Variants in PDZD4 observed in about 807,000 individuals in gnomAD.
PDZD4 encodes the protein PDZ domain containing 4.
A neutral mutation model predicts 38.5 loss-of-function variants in PDZD4; 9 were observed. The observed-to-expected ratio is 0.23, with a 90% CI of 0.14 to 0.41. The LOEUF is 0.41. Ranked by LOEUF, PDZD4 falls within the 10% of genes least tolerant of loss-of-function variation. PDZD4 has a pLI of 1.00. For missense variants in PDZD4, 612 were observed against 722.0 expected (o/e 0.85, Z 1.75); for synonymous variants, 349 against 315.7 (o/e 1.11, Z -1.12).
rs1395560249 is a variant in PDZD4 at position 153,805,682 on chromosome X, C to G, written c.568-76G>C. On this transcript the variant is annotated intron_variant, in intron 5 of 7. Transcript: ENST00000393758. ...CGGACCCTGGGCGGGTGCAGGGAGCCCAAGCACTCTGGGCTCGGCTGGGCT... is the reference window on the plus strand; with the variant it reads ...CGGACCCTGGGCGGGTGCAGGGAGCGCAAGCACTCTGGGCTCGGCTGGGCT... 7 of 840,243 alleles carry G rather than the reference C, an allele frequency of 8.3e-6. No homozygotes were observed. The Admixed American group carries it at 1.6e-4, about 19-fold the overall frequency. The allele number at this position is 840,243 out of a possible 1,213,427, so 69.2% of individuals were successfully genotyped here. A position where few individuals can be genotyped will look rare whatever the true frequency, so the allele number is the denominator to read the frequency against.
rs1398143410 is a variant in PDZD4 at position 153,804,020 on chromosome X, C to T, written c.1661G>A (p.Arg554His). The T allele has an allele frequency of 7.8e-6, 9 of 1,156,300 alleles. No individual in the cohort carries two copies. The African/African-American group carries it at 1.6e-4, about 21-fold the overall frequency. Residue 554 changes from arginine to histidine, a missense_variant, in exon 8 of 8, where the codon CGC becomes CAC. Around this residue, in one of 3 missense-constraint regions of PDZD4, gnomAD observed 300 missense variants for 284.6 expected, o/e 1.05. Transcript: ENST00000393758. ...RRQHAEERGR[R>H]NPKTGLTLER... ...CAGGGTCAACCCCGTCTTGGGGTTG[C>T]GGCGGCCGCGCTCCTCCGCGTGCTG...
At chrX:153,815,644 C>T (rs1018260625) in intron 1 of PDZD4, among the ~76,000 whole-genome samples, 2 of 111,607 alleles carry the variant, frequency 1.8e-5, no homozygotes, top group Non-Finnish European at 3.8e-5. Flanking sequence ...GGCTCCAGGT[C>T]GGGGAGGGGA....
At chrX:153,822,826 T>C (rs1308443749) in intron 1 of PDZD4, among the ~76,000 whole-genome samples, 2 of 111,070 alleles carry the variant, frequency 1.8e-5, no homozygotes, top group Non-Finnish European at 3.8e-5. Context: ...TAGAGGCGCA[T>C]GCCACTACGC....
chrX:153,811,522 C>T (rs2064310116), intron 1 of PDZD4, among the ~76,000 whole-genome samples: 1 of 112,240 alleles, frequency 8.9e-6, no homozygotes, highest in South Asian at 3.7e-4. Context: ...ACCAACACAC[C>T]AGTGGACCAT....
At chrX:153,817,646 C>G (rs1557080290) in intron 1 of PDZD4, among the ~76,000 whole-genome samples, 2 of 111,989 alleles carry the variant, frequency 1.8e-5, no homozygotes, top group Non-Finnish European at 3.8e-5. Flanking sequence ...TGAGAATAGA[C>G]TAAAAGTCAC....
Position 153,813,903 on chromosome X carries a change from C to T in PDZD4, c.61-5308G>A, listed in dbSNP as rs782370024. ...CTTCACCCTGAGTTCTACTTCCATC[C>T]CAACTCCTAACAGTTTGCTGAAGAT... On this transcript the variant is annotated intron_variant, in intron 1 of 7. Transcript: ENST00000393758. 1.1e-3 allele frequency among the ~76,000 whole-genome samples: 119 copies of T among 112,190 alleles called. 1 individual carries two copies. Among genetic ancestry groups the T allele is most frequent in the Non-Finnish European group, 1.0e-3 (53 of 53,220 alleles).
chrX:153,804,456 C>T lies in PDZD4; in HGVS notation c.1225G>A (p.Glu409Lys), dbSNP rs782390537. 3 of 1,209,040 alleles carry T rather than the reference C, an allele frequency of 2.5e-6. No individual in the cohort carries two copies. Among genetic ancestry groups the T allele is most frequent in the Non-Finnish European group, 3.4e-6 (3 of 895,375 alleles). Residue 409 changes from glutamate (E) to lysine (K), a missense_variant, in exon 8 of 8, where the codon GAG (glutamate) becomes AAG (lysine). Coordinates refer to ENST00000393758, the MANE Select transcript of PDZD4 (RefSeq NM_001303512.2). ...ESLGHEMAML[E>K]EELRHLEFKC... ...AATTCCAGGTGCCTTAGCTCCTCCT[C>T]CAGCATGGCCATCTCGTGGCCCAGG...
At chrX:153,806,448 C>T (rs1557077068) in intron 4 of PDZD4, among the ~76,000 whole-genome samples, 1 of 112,779 alleles carries the variant, frequency 8.9e-6, no homozygotes, top group Non-Finnish European at 1.9e-5. Context: ...GAGGGGCCAT[C>T]CCCCTCCTGG....
rs1008565026 is a variant in PDZD4 at position 153,826,357 on chromosome X, T to C, written c.60+3882A>G. On this transcript the variant is annotated intron_variant, in intron 1 of 7. Transcript: ENST00000393758. ...ATCCTGAGGAATCTACTAAACAAAT[T>C]ATACTTAATAAACAATTTTAGTAAG... is the stretch of plus-strand genomic sequence containing the variant. Among the ~76,000 whole-genome samples, 9 of 111,230 alleles carry C rather than the reference T, an allele frequency of 8.1e-5. No homozygotes were observed. The Admixed American group carries it at 8.6e-4, about 11-fold the overall frequency.
chrX:153,817,974 G>A (rs781891191), intron 1 of PDZD4, among the ~76,000 whole-genome samples: 7 of 112,460 alleles, frequency 6.2e-5, no homozygotes, highest in African/African-American at 2.3e-4. Flanking sequence ...GGCCAGGCAC[G>A]GTGGCTCAAG....
At chrX:153,806,032 C>A in intron 5 of PDZD4, 39 bp downstream of exon 5, 1 of 1,201,106 alleles carries the variant, frequency 8.3e-7, no homozygotes, top group Non-Finnish European at 1.1e-6. Flanking sequence ...ACGGGCACAG[C>A]GGGGCCTTGG....
At chrX:153,808,756 C>T (rs1208291846) in intron 1 of PDZD4, among the ~76,000 whole-genome samples, 161 bp from the exon 2 acceptor site, 2 of 113,122 alleles carry the variant, frequency 1.8e-5, no homozygotes, top group Non-Finnish European at 3.8e-5. Context: ...CCTTTGGTGC[C>T]CCTGTTCCCA....
chrX:153,816,433 G>C (rs189020252), intron 1 of PDZD4, among the ~76,000 whole-genome samples: 90 of 108,982 alleles, frequency 8.3e-4, no homozygotes, highest in Non-Finnish European at 1.4e-3. Context: ...GATTCTGTGG[G>C]CCGAGGACAT....
Position 153,804,160 on chromosome X carries a change from G to T in PDZD4, c.1521C>A (p.Asn507Lys), listed in dbSNP as rs1557075877. 1 of 1,170,188 alleles carries T rather than the reference G, an allele frequency of 8.5e-7. No individual in the cohort carries two copies. Among genetic ancestry groups the T allele is most frequent in the African/African-American group, 1.8e-5 (1 of 56,779 alleles). ...PLRRAMAGNS[N>K]LNRTPPGPAV... ...CGGGGCCGGGAGGGGTCCGGTTCAA[G>T]TTGGAGTTGCCGGCCATGGCCCGCC... The change falls in exon 8 of 8, where the codon AAC (asparagine) becomes AAA (lysine). Residue 507 changes from asparagine (N) to lysine (K), a missense_variant. Coordinates refer to ENST00000393758, the MANE Select transcript of PDZD4 (RefSeq NM_001303512.2).
chrX:153,807,323 C>T lies in PDZD4; in HGVS notation c.361G>A (p.Gly121Ser), dbSNP rs1557077446. 8.3e-7 allele frequency: 1 copy of T among 1,209,232 alleles called. No homozygotes were observed. The highest frequency in any genetic ancestry group is 1.7e-5 in the African/African-American group (1 of 57,507). The change falls in exon 3 of 8, where the codon GGC becomes AGC. Residue 121 changes from glycine to serine, a missense_variant. Physicochemically the swap from Gly to Ser is moderately conservative, Grantham distance 56. This residue lies in a region of PDZD4 where 225 missense variants were observed against 311.0 expected (regional missense o/e 0.72). Transcript: ENST00000393758. ...AAGCGGTCTGCCTCCTGCGGGCCGC[C>T]CTCCATAAACTCCGCCGGGTCATAA... is the stretch of plus-strand genomic sequence containing the variant. ...EYYDPAEFME[G>S]GPQEADRLDE...
In PDZD4 at chrX:153,819,798, T is replaced by C. The variant is rs1022522656; in HGVS notation, c.60+10441A>G. On this transcript the variant is annotated intron_variant, in intron 1 of 7. Coordinates refer to ENST00000393758, the MANE Select transcript of PDZD4 (RefSeq NM_001303512.2). Reference sequence around the variant, plus strand: ...TCACCCACTCAGTGACCCAGCAAAGTCCCCATTCATGTTTCCCCAGCTCGG... The same window carrying C: ...TCACCCACTCAGTGACCCAGCAAAGCCCCCATTCATGTTTCCCCAGCTCGG... Among the ~76,000 whole-genome samples, 3 of 111,512 alleles carry C rather than the reference T, an allele frequency of 2.7e-5. No homozygotes were observed. The Admixed American group carries it at 2.8e-4, about 11-fold the overall frequency.
At position 153,803,261 on chromosome X, in the gene PDZD4, GCA is replaced by G. The variant is rs781896560; in HGVS notation, c.*90_*91del. ...GTGCGCACAGCGAGCACGCGCGCGC[GCA>G]CACACACACACACACAATCTCTATA... On this transcript the variant is annotated 3_prime_UTR_variant, in exon 8 of 8. Coordinates refer to ENST00000393758, the MANE Select transcript of PDZD4 (RefSeq NM_001303512.2). 0.013 allele frequency: 6,780 copies of G among 518,359 alleles called. No individual in the cohort carries two copies. The highest frequency in any genetic ancestry group is 0.016 in the South Asian group (245 of 15,028). 42.7% of individuals were successfully genotyped at this position (518,359 alleles called of 1,213,427 possible). A position where few individuals can be genotyped will look rare whatever the true frequency, so the allele number is the denominator to read the frequency against.
chrX:153,823,279 C>T (rs1447973786), intron 1 of PDZD4, among the ~76,000 whole-genome samples: 3 of 107,091 alleles, frequency 2.8e-5, no homozygotes, highest in South Asian at 4.1e-4. Flanking sequence ...AGTGCAATGG[C>T]GTGATCTCAG....
Position 153,808,572 on chromosome X carries a change from C to T in PDZD4, c.84G>A (p.Lys28=). 8.5e-7 allele frequency: 1 copy of T among 1,180,177 alleles called. No individual in the cohort carries two copies. Among genetic ancestry groups the T allele is most frequent in the Non-Finnish European group, 1.1e-6 (1 of 879,737 alleles). ...CCTGCAGAGTTTGCTCCTGAGACAG[C>T]TTGGAGAGCTCCTTCCCGTTCACCT... is the stretch of plus-strand genomic sequence containing the variant. The part of the protein sequence containing the change: ...MLQVNGKELS[K]LSQEQTLQAL... Residue 28 remains lysine, a synonymous_variant, in exon 2 of 8, where the codon AAG becomes AAA. Transcript: ENST00000393758.
Sources: allele counts gnomAD v4.1 joint callset (sites outside exome capture counted in the v4.1 genomes callset), GRCh38; gene constraint gnomAD v4.1.1; regional missense constraint gnomAD v4.1.1; transcripts MANE v1.5; gene names NCBI Gene and HGNC (gene_info 2026-07-23, HGNC 2026-07-21).